RALYL: variants seen among roughly 807,000 people sequenced by gnomAD.
RALYL encodes RALY RNA binding protein like.
In RALYL, 29 loss-of-function variants were observed where a neutral mutation model predicts 35.1. That is an observed-to-expected ratio of 0.83 (90% CI 0.61 to 1.13). The LOEUF (loss-of-function observed/expected upper bound fraction) is 1.13. RALYL is among the 50% of genes most tolerant of loss of function. The pLI is 0.00. For synonymous variants in RALYL, 120 were observed against 127.6 expected, an observed-to-expected ratio of 0.94 and a Z score of 0.40; for missense variants, 359 against 360.4, an observed-to-expected ratio of 1.00 and a Z score of 0.03.
intron 2 of RALYL, among the ~76,000 whole-genome samples, chr8:84,766,540 A>C (rs1814028655): frequency 7.1e-6 from 1 of 140,772 alleles, no homozygotes; most frequent in African/African-American, 2.8e-5. Context: ...AAAATAAATA[A>C]ATAAATAAAT....
At chr8:84,561,853 C>G (rs1252219) in intron 2 of RALYL, among the ~76,000 whole-genome samples, 1 of 151,698 alleles carries the variant, frequency 6.6e-6, no homozygotes, top group Non-Finnish European at 1.5e-5. Context: ...TAAAAACTTA[C>G]GAATTATTTA....
intron 2 of RALYL, among the ~76,000 whole-genome samples, chr8:84,535,066 G>A (rs1450875167): frequency 6.6e-6 from 1 of 152,072 alleles, no homozygotes; most frequent in Non-Finnish European, 1.5e-5. Context: ...CTTATTAATA[G>A]CTGGATATTT....
chr8:84,888,779 T>C (rs1843327999), intron 8 of RALYL, among the ~76,000 whole-genome samples: 1 of 152,168 alleles, frequency 6.6e-6, no homozygotes, highest in African/African-American at 2.4e-5. Flanking sequence ...AGACAGAGTC[T>C]CACTCTGTCC....
At chr8:84,537,561 G>A (rs1231836010) in intron 2 of RALYL, among the ~76,000 whole-genome samples, 1 of 151,164 alleles carries the variant, frequency 6.6e-6, no homozygotes, top group African/African-American at 2.4e-5. Flanking sequence ...AATTACTTAC[G>A]AGATGGTATT....
chr8:84,370,690 G>C (rs1472980297), intron 1 of RALYL, among the ~76,000 whole-genome samples: 2 of 152,060 alleles, frequency 1.3e-5, no homozygotes, highest in Admixed American at 1.3e-4. Context: ...TTTAGAATCT[G>C]AGTAATTACA....
chr8:84,572,501 C>T (rs1037709300), intron 2 of RALYL, among the ~76,000 whole-genome samples: 2 of 151,640 alleles, frequency 1.3e-5, no homozygotes, highest in Non-Finnish European at 3.0e-5. Flanking sequence ...GTGATAAATT[C>T]CCTTAGTGTT....
At chr8:84,595,820 A>G (rs1048039070) in intron 2 of RALYL, among the ~76,000 whole-genome samples, 3 of 135,878 alleles carry the variant, frequency 2.2e-5, no homozygotes, top group Admixed American at 7.9e-5. Context: ...GATTTGTAGT[A>G]TGAGCCTGAT....
At chr8:84,211,032 C>T (rs17708369) in intron 1 of RALYL, among the ~76,000 whole-genome samples, 35,362 of 151,922 alleles carry the variant, frequency 0.23, 4,232 homozygotes, top group Non-Finnish European at 0.27. Context: ...TAAAAAACAT[C>T]GCCAATTCCT....
At chr8:84,535,764 C>T (rs1037862315) in intron 2 of RALYL, among the ~76,000 whole-genome samples, 19 of 152,018 alleles carry the variant, frequency 1.2e-4, no homozygotes, top group Admixed American at 9.2e-4. Flanking sequence ...TGAGCCACCG[C>T]GCCCGGCCGC....
chr8:84,597,387 T>A (rs150842664), intron 2 of RALYL, among the ~76,000 whole-genome samples: 2 of 152,298 alleles, frequency 1.3e-5, no homozygotes, highest in East Asian at 3.9e-4. Context: ...CTCTTAATTA[T>A]CAAATTCTGT....
intron 5 of RALYL, among the ~76,000 whole-genome samples, chr8:84,852,287 AT>A (rs1836016004): frequency 1.3e-5 from 2 of 152,344 alleles, no homozygotes; most frequent in African/African-American, 4.8e-5. Flanking sequence ...TGACAAAAAA[AT>A]ATAATCTTTA....
At chr8:84,573,841 A>G (rs1225861462) in intron 2 of RALYL, among the ~76,000 whole-genome samples, 3 of 151,542 alleles carry the variant, frequency 2.0e-5, no homozygotes, top group African/African-American at 4.8e-5. Context: ...TGTCTTTTTC[A>G]CCCACACAAG....
chr8:84,485,066 G>A (rs28750120), intron 1 of RALYL, among the ~76,000 whole-genome samples: 5,982 of 152,060 alleles, frequency 0.039, 238 homozygotes, highest in African/African-American at 0.098. Flanking sequence ...CTCTGCCGCC[G>A]CCTTCTTGAG....
At chr8:84,715,303 G>T (rs1441210378) in intron 2 of RALYL, among the ~76,000 whole-genome samples, 1 of 151,712 alleles carries the variant, frequency 6.6e-6, no homozygotes, top group African/African-American at 2.4e-5. Flanking sequence ...ACATGTAATA[G>T]AATAATGAAG....
intron 2 of RALYL, among the ~76,000 whole-genome samples, chr8:84,730,401 A>G (rs1032878373): frequency 3.3e-5 from 5 of 152,200 alleles, no homozygotes; most frequent in Non-Finnish European, 7.3e-5. Flanking sequence ...AATAAGAGCT[A>G]TCTATGACAT....
At chr8:84,197,298 AT>A (rs1815564487) in intron 1 of RALYL, among the ~76,000 whole-genome samples, 1 of 152,150 alleles carries the variant, frequency 6.6e-6, no homozygotes, top group Admixed American at 6.6e-5. Context: ...ACACAGCCTC[AT>A]TTTCTTCCCC....
chr8:84,670,859 T>G (rs1833073318), intron 2 of RALYL, among the ~76,000 whole-genome samples: 2 of 152,138 alleles, frequency 1.3e-5, no homozygotes, highest in Non-Finnish European at 2.9e-5. Context: ...CTATCAAATG[T>G]CATATCCTCA....
At chr8:84,696,065 A>T (rs965799710) in intron 2 of RALYL, among the ~76,000 whole-genome samples, 6 of 151,854 alleles carry the variant, frequency 4.0e-5, no homozygotes, top group Admixed American at 2.6e-4. Context: ...GTTTGTGATC[A>T]CTTGATTAGT....
At chr8:84,481,995 A>G (rs1190267039) in intron 1 of RALYL, among the ~76,000 whole-genome samples, 1 of 152,164 alleles carries the variant, frequency 6.6e-6, no homozygotes, top group East Asian at 1.9e-4. Context: ...GAAAAAGCAA[A>G]CTAAAAATTA....
Sources: gnomAD v4.1 joint callset for allele counts (sites outside exome capture counted in the v4.1 genomes callset) on GRCh38, gnomAD v4.1.1 for gene constraint, MANE v1.5 for transcripts, NCBI Gene and HGNC (gene_info 2026-07-23, HGNC 2026-07-21) for gene names.